Variants in IL1RL2 observed in about 807,000 individuals in gnomAD.
IL1RL2 encodes interleukin 1 receptor like 2, also known as interleukin-1 receptor-like 2.
A neutral mutation model predicts 66.8 loss-of-function variants in IL1RL2; 68 were observed. The ratio of observed to expected loss-of-function variants is 1.02; its 90% CI spans 0.84 to 1.25. The LOEUF (loss-of-function observed/expected upper bound fraction) is 1.25, where lower values mean the gene tolerates loss of function less well. IL1RL2 is among the 50% of genes most tolerant of loss of function. IL1RL2 has a pLI of 0.00. For missense variants in IL1RL2, 729 were observed against 709.3 expected (o/e 1.03, Z -0.32); for synonymous variants, 305 against 264.6 (o/e 1.15, Z -1.48).
At chr2:102,232,126 T>TTC (rs1691191210) in intron 9 of IL1RL2, among the ~76,000 whole-genome samples, 1 of 151,634 alleles carries the variant, frequency 6.6e-6, no homozygotes, top group African/African-American at 2.4e-5. Flanking sequence ...TTTTTTTTTT[T>TTC]CCGAGACAGA....
rs1012124791 is a variant in IL1RL2 at position 102,239,098 on chromosome 2, G to A, written c.1679-94G>A. ...TACCACCAGATGAACTGACGGCAAG[G>A]TGGAGGTTTTCGCATTCCCATGGCA... is the stretch of plus-strand genomic sequence containing the variant. On this transcript the variant is annotated intron_variant, in intron 11 of 11. Transcript: ENST00000264257. The A allele has an allele frequency of 3.7e-5, 40 of 1,075,670 alleles. No individual in the cohort carries two copies. The African/African-American group carries it at 6.1e-4, about 16-fold the overall frequency. The allele number at this position is 1,075,670 out of a possible 1,614,324, so 66.6% of individuals were successfully genotyped here. A position where few individuals can be genotyped will look rare whatever the true frequency, so the allele number is the denominator to read the frequency against.
rs1276671479 is a variant in IL1RL2 at position 102,224,615 on chromosome 2, GA to G, written c.992-1276del. On this transcript the variant is annotated intron_variant, in intron 8 of 11. Transcript: ENST00000264257. ...AAGAGAGGTTGGTTAATGGGTAAAA[GA>G]AAAAAATACAGTTTGATAGTAGGAA... Among the ~76,000 whole-genome samples the G allele has an allele frequency of 5.3e-5, 8 of 152,062 alleles. No homozygotes were observed. The East Asian group carries it at 1.4e-3, about 26-fold the overall frequency.
At chr2:102,214,114 A>G (rs1039951752) in intron 6 of IL1RL2, among the ~76,000 whole-genome samples, 1 of 152,228 alleles carries the variant, frequency 6.6e-6, no homozygotes. Context: ...TAGTCTTAAA[A>G]GACAAATTTG....
At chr2:102,229,540 T>C (rs754837957) in intron 9 of IL1RL2, among the ~76,000 whole-genome samples, 5 of 152,202 alleles carry the variant, frequency 3.3e-5, no homozygotes, top group Non-Finnish European at 5.9e-5. Flanking sequence ...GATAGAACCA[T>C]GTCCCACACG....
rs1009115241 is a variant in IL1RL2 at position 102,187,087 on chromosome 2, G to A, written c.-13+1G>A. Reference sequence around the variant, plus strand: ...CTGCGCGCTTCAATCCTGCAGGCAGGTAGACACCGGGCCGGGAGTCTGGCT... The same window carrying A: ...CTGCGCGCTTCAATCCTGCAGGCAGATAGACACCGGGCCGGGAGTCTGGCT... On this transcript the variant is annotated splice_donor_variant, in intron 1 of 11. Transcript: ENST00000264257. LOFTEE classifies it low-confidence loss of function (5UTR_SPLICE). 1.6e-6 allele frequency: 2 copies of A among 1,289,758 alleles called. No individual in the cohort carries two copies. The highest frequency in any genetic ancestry group is 2.0e-6 in the Non-Finnish European group (2 of 988,860). The allele number at this position is 1,289,758 out of a possible 1,614,324, so 79.9% of individuals were successfully genotyped here. A position where few individuals can be genotyped will look rare whatever the true frequency, so the allele number is the denominator to read the frequency against.
chr2:102,208,801 A>G (rs780304951), intron 5 of IL1RL2, among the ~76,000 whole-genome samples: 6 of 152,222 alleles, frequency 3.9e-5, no homozygotes, highest in Non-Finnish European at 7.3e-5. Context: ...CATTTGATTT[A>G]AATATTTTGG....
chr2:102,204,709 T>C (rs914089722), intron 5 of IL1RL2, among the ~76,000 whole-genome samples: 1 of 152,052 alleles, frequency 6.6e-6, no homozygotes, highest in South Asian at 2.1e-4. Context: ...TTGATTGTCA[T>C]GGAATATCTT....
At chr2:102,217,380 G>A (rs1369837408) in intron 6 of IL1RL2, among the ~76,000 whole-genome samples, 1 of 152,044 alleles carries the variant, frequency 6.6e-6, no homozygotes, top group Non-Finnish European at 1.5e-5. Context: ...AAATACCAAT[G>A]ACATTATTTT....
intron 8 of IL1RL2, among the ~76,000 whole-genome samples, chr2:102,222,759 T>C (rs6733727): frequency 0.26 from 39,734 of 152,112 alleles, 6,274 homozygotes; most frequent in East Asian, 0.39. Context: ...TTCCATTGGC[T>C]TACAGCAGAA....
chr2:102,238,897 C>A (rs1024931911), intron 11 of IL1RL2, among the ~76,000 whole-genome samples: 1 of 152,264 alleles, frequency 6.6e-6, no homozygotes, highest in Middle Eastern at 3.4e-3. Flanking sequence ...CCAGGCTGTC[C>A]CTGGAGAGGA....
intron 4 of IL1RL2, among the ~76,000 whole-genome samples, chr2:102,192,419 C>T (rs916910226): frequency 2.6e-5 from 4 of 152,146 alleles, no homozygotes; most frequent in African/African-American, 4.8e-5. Flanking sequence ...TAAATGCATA[C>T]TATGTGCACA....
chr2:102,230,749 G>A (rs1411779570), intron 9 of IL1RL2, among the ~76,000 whole-genome samples: 2 of 152,202 alleles, frequency 1.3e-5, no homozygotes, highest in Non-Finnish European at 2.9e-5. Flanking sequence ...GTGCATGCAT[G>A]TGCATGCGTG....
At position 102,239,170 on chromosome 2, in the gene IL1RL2, AATAGATCTTTCCT is replaced by A. The variant is rs755741976; in HGVS notation, c.1679-21_1679-9del. 6.2e-7 allele frequency: 1 copy of A among 1,612,262 alleles called. No homozygotes were observed. The highest frequency in any genetic ancestry group is 1.1e-5 in the South Asian group (1 of 91,040). On this transcript the variant is annotated splice_polypyrimidine_tract_variant and intron_variant, in intron 11 of 11. Transcript: ENST00000264257. ...CTCCCACCACATCAGAAAAGGAGTA[AATAGATCTTTCCT>A]GATTTCAGGCCCAGAACTAGGCTCA...
chr2:102,220,052 G>A (rs190907900), intron 8 of IL1RL2, 35 bp downstream of exon 8: 156 of 1,538,862 alleles, frequency 1.0e-4, no homozygotes, highest in Admixed American at 2.6e-4. Flanking sequence ...TGTTCAGAGT[G>A]TTCAAAACGA....
intron 11 of IL1RL2, among the ~76,000 whole-genome samples, chr2:102,237,101 G>A (rs1003101852): frequency 6.6e-6 from 1 of 152,120 alleles, no homozygotes; most frequent in Non-Finnish European, 1.5e-5. Context: ...AAAATTCACA[G>A]GCACACCCTT....
chr2:102,206,052 T>C (rs1213611158), intron 5 of IL1RL2, among the ~76,000 whole-genome samples: 1 of 152,174 alleles, frequency 6.6e-6, no homozygotes, highest in Admixed American at 6.5e-5. Context: ...AATATGCCAA[T>C]TGCATTTTTT....
intron 4 of IL1RL2, among the ~76,000 whole-genome samples, chr2:102,199,220 G>A (rs1055292246): frequency 3.3e-5 from 5 of 152,132 alleles, no homozygotes; most frequent in Non-Finnish European, 7.4e-5. Flanking sequence ...ATGGTCTTTA[G>A]CATTGCACTA....
At chr2:102,223,558 A>G (rs1032899878) in intron 8 of IL1RL2, among the ~76,000 whole-genome samples, 3 of 152,166 alleles carry the variant, frequency 2.0e-5, no homozygotes, top group Non-Finnish European at 4.4e-5. Context: ...GAATGTATTC[A>G]TTGATGTCCT....
chr2:102,212,025 T>C (rs1190980863), intron 5 of IL1RL2, 75 bp from the exon 6 acceptor site: 1 of 1,026,002 alleles, frequency 9.7e-7, no homozygotes, highest in African/African-American at 1.6e-5. Flanking sequence ...TTGGGCTTCA[T>C]GCTATTACAT....
Sources: gnomAD v4.1 joint callset for allele counts (sites outside exome capture counted in the v4.1 genomes callset) on GRCh38, gnomAD v4.1.1 for gene constraint, MANE v1.5 for transcripts, NCBI Gene and HGNC (gene_info 2026-07-23, HGNC 2026-07-21) for gene names.